TELO2: variants seen among roughly 807,000 people sequenced by gnomAD.
TELO2 encodes the protein telomere maintenance 2.
In TELO2, 71 loss-of-function variants were observed where a neutral mutation model predicts 91.0. The ratio of observed to expected loss-of-function variants is 0.78; its 90% confidence interval spans 0.64 to 0.95. TELO2 has a LOEUF of 0.95. Ranked by LOEUF, TELO2 falls within the 40% of genes least tolerant of loss-of-function variation. The pLI, the probability that TELO2 is intolerant of heterozygous loss-of-function variation, is 0.00. For synonymous variants in TELO2, 584 were observed against 518.9 expected (o/e 1.13, Z -1.71); for missense variants, 1,183 against 1,141.3 (o/e 1.04, Z -0.53).
In TELO2 at chr16:1,506,218, G is replaced by A. The variant is rs180974821; in HGVS notation, c.2035-20G>A. On this transcript the variant is annotated intron_variant, in intron 16 of 20. Transcript: ENST00000262319. Reference sequence around the variant, plus strand: ...TGCCCAAGCCTGCACCTCCGTGATCGCTGTAGTTGTGTCTGGCAGGGTGGC... The same window carrying A: ...TGCCCAAGCCTGCACCTCCGTGATCACTGTAGTTGTGTCTGGCAGGGTGGC... The A allele has an allele frequency of 5.7e-5, 92 of 1,612,606 alleles. No homozygotes were observed. The East Asian group carries it at 6.2e-4, about 11-fold the overall frequency.
chr16:1,507,126 C>T (rs906808989), intron 18 of TELO2, 75 bp downstream of exon 18: 5 of 1,517,268 alleles, frequency 3.3e-6, no homozygotes, highest in South Asian at 1.2e-5. Flanking sequence ...CTCACCTGCG[C>T]CCAGGGATGG....
In TELO2 at chr16:1,494,485, C is replaced by T; in HGVS notation, c.204C>T (p.Ser68=). Residue 68 remains serine, a synonymous_variant, in exon 2 of 21, where the codon AGC becomes AGT. Transcript: ENST00000262319. The surrounding 1 kb of genome is among the most constrained non-coding windows in gnomAD (Gnocchi z 5.6). ...CGCCTGTCCTCAGATGTCTTGCCAG[C>T]AGGCTGAGCCCAGCCTGGCTGGAGC... The part of the protein sequence containing the change: ...HFSPVLRCLA[S]RLSPAWLELL... 2 of 1,613,328 alleles carry T rather than the reference C, an allele frequency of 1.2e-6. No individual in the cohort carries two copies. Among genetic ancestry groups the T allele is most frequent in the Non-Finnish European group, 8.5e-7 (1 of 1,179,960 alleles).
chr16:1,506,956 C>T lies in TELO2; in HGVS notation c.2131C>T (p.Leu711=). ...FPLLQRFDRP[L]VTFDLLGEDQ... ...GGGCTCCATCCTGTGCTCTAGGCCT[C>T]TGGTGACCTTCGACCTCTTGGGAGA... Residue 711 remains leucine, a synonymous_variant, in exon 18 of 21, where the codon CTG becomes TTG. Coordinates refer to ENST00000262319, the MANE Select transcript of TELO2 (RefSeq NM_016111.4). The T allele has an allele frequency of 6.2e-7, 1 of 1,609,356 alleles. No individual in the cohort carries two copies. The highest frequency in any genetic ancestry group is 1.1e-5 in the South Asian group (1 of 90,166).
chr16:1,505,465 C>T lies in TELO2; in HGVS notation c.1898C>T (p.Pro633Leu), dbSNP rs764614683. The T allele has an allele frequency of 8.1e-6, 13 of 1,613,122 alleles. No individual in the cohort carries two copies. In the South Asian group the frequency reaches 1.3e-4, roughly 16 times the overall value. Residue 633 changes from proline (P) to leucine (L), a missense_variant, in exon 16 of 21, where the codon CCC becomes CTC. Pro to Leu is a moderately conservative substitution (Grantham distance 98). Transcript: ENST00000262319. The surrounding 1 kb of genome is among the most constrained non-coding windows in gnomAD (Gnocchi z 4.3). ...LSRPGCLGRT[P>L]QPGSPSPNTP... Reference sequence around the variant, plus strand: ...AGGCCTGGGTGCCTCGGGAGGACTCCCCAACCTGGCTCCCCAAGTCCCAAC... The same window carrying T: ...AGGCCTGGGTGCCTCGGGAGGACTCTCCAACCTGGCTCCCCAAGTCCCAAC...
At chr16:1,500,194 G>A (rs554299520) in intron 7 of TELO2, 30 bp downstream of exon 7, 15 of 1,580,974 alleles carry the variant, frequency 9.5e-6, no homozygotes, top group South Asian at 5.7e-5. Flanking sequence ...CCGTCCCTGC[G>A]AGGCCCTGGG....
chr16:1,506,391 G>A, intron 17 of TELO2, 62 bp downstream of exon 17: 1 of 1,612,106 alleles, frequency 6.2e-7, no homozygotes, highest in Non-Finnish European at 8.5e-7. Context: ...GTACCACTGT[G>A]GCCAAGAAGT....
In TELO2 at chr16:1,505,626, C is replaced by CA. The variant is rs765301792; in HGVS notation, c.2034+26dup. 2 of 1,595,506 alleles carry CA rather than the reference C, an allele frequency of 1.3e-6. No homozygotes were observed. Among genetic ancestry groups the CA allele is most frequent in the Non-Finnish European group, 8.6e-7 (1 of 1,169,492 alleles). On this transcript the variant is annotated intron_variant, in intron 16 of 20. Transcript: ENST00000262319. This position sits in a 1 kb window ranked among gnomAD's most constrained non-coding sequence, Gnocchi z 4.3. ...GGTTAGTGGCGCCTGGTCAGCTCCT[C>CA]ACGGGCATGGGGACCGTGGGTGGGT...
rs1269178389 is a variant in TELO2, at chr16:1,502,354, C to T, written c.1603C>T (p.Leu535=). ...GGACATAGAGCGCTGGGAGGCAGCC[C>T]TGCGGGCCCTTGAGGGCCTGGTCTA... ...SEDIERWEAA[L]RALEGLVYRS... Residue 535 remains leucine, a synonymous_variant, in exon 13 of 21, where the codon CTG becomes TTG. Coordinates refer to ENST00000262319, the MANE Select transcript of TELO2 (RefSeq NM_016111.4). 6.2e-7 allele frequency: 1 copy of T among 1,606,942 alleles called. No individual in the cohort carries two copies. Among genetic ancestry groups the T allele is most frequent in the Non-Finnish European group, 8.5e-7 (1 of 1,178,308 alleles).
At chr16:1,509,691 C>T (rs930805089) in intron 20 of TELO2, 139 bp from the exon 21 acceptor site, 17 of 731,270 alleles carry the variant, frequency 2.3e-5, no homozygotes, top group Admixed American at 7.0e-5. Context: ...GGGGAGAGTC[C>T]GGGGTCACTG....
rs978051642 is a variant in TELO2 at position 1,493,588 on chromosome 16, C to A, written c.-54C>A. On this transcript the variant is annotated 5_prime_UTR_variant, in exon 1 of 21. Transcript: ENST00000262319. The surrounding 1 kb of genome is among the most constrained non-coding windows in gnomAD (Gnocchi z 4.3). The stretch of plus-strand genomic sequence containing the variant: ...GCGGCGCCTGAGCGCGCTGCAGTCA[C>A]CCGGGAGCCGGGTCCAGGTCGGGTT... 2 of 152,338 alleles carry A rather than the reference C, an allele frequency of 1.3e-5. No homozygotes were observed. Among genetic ancestry groups the A allele is most frequent in the Non-Finnish European group, 2.9e-5 (2 of 68,118 alleles). 9.4% of individuals were successfully genotyped at this position (152,338 alleles called of 1,614,324 possible).
intron 18 of TELO2, 32 bp downstream of exon 18, chr16:1,507,083 T>G (rs139797410): frequency 6.4e-7 from 1 of 1,574,134 alleles, no homozygotes; most frequent in Non-Finnish European, 8.6e-7. Context: ...GGCGCCGGCC[T>G]GTGCTAACCA....
chr16:1,505,057 C>T lies in TELO2; in HGVS notation c.1843-353C>T, dbSNP rs947498970. 7 of 230,692 alleles carry T rather than the reference C, an allele frequency of 3.0e-5. No homozygotes were observed. Among genetic ancestry groups the T allele is most frequent in the East Asian group, 9.3e-5 (1 of 10,730 alleles). 14.3% of individuals were successfully genotyped at this position (230,692 alleles called of 1,614,324 possible). A position where few individuals can be genotyped will look rare whatever the true frequency, so the allele number is the denominator to read the frequency against. ...TCTCTGCAATGTTCTGAGGTCCCCC[C>T]GCCCGTGGCACGTGCCGCTGCAGCG... On this transcript the variant is annotated intron_variant, in intron 15 of 20. Coordinates refer to ENST00000262319, the MANE Select transcript of TELO2 (RefSeq NM_016111.4). The surrounding 1 kb of genome is among the most constrained non-coding windows in gnomAD (Gnocchi z 4.3).
At chr16:1,506,777 T>G in intron 17 of TELO2, 175 bp from the exon 18 acceptor site, 2 of 1,412,556 alleles carry the variant, frequency 1.4e-6, no homozygotes, top group Non-Finnish European at 9.2e-7. Context: ...CAGACAGCCC[T>G]GCAGGGGGAG....
rs2040094649 is a variant in TELO2, at chr16:1,510,361, C to G, written c.*425C>G. 1 of 231,724 alleles carries G rather than the reference C, an allele frequency of 4.3e-6. No individual in the cohort carries two copies. Among genetic ancestry groups the G allele is most frequent in the Non-Finnish European group, 8.6e-6 (1 of 116,490 alleles). 14.4% of individuals were successfully genotyped at this position (231,724 alleles called of 1,614,324 possible). On this transcript the variant is annotated 3_prime_UTR_variant, in exon 21 of 21. Coordinates refer to ENST00000262319, the MANE Select transcript of TELO2 (RefSeq NM_016111.4). ...GCCGTGTCACCAGGAGAATAGTGCT[C>G]ACAGCCCAGGCAGGGTGTGTGGCTC...
chr16:1,498,088 C>T (rs1567295522), intron 5 of TELO2, among the ~76,000 whole-genome samples: 1 of 151,502 alleles, frequency 6.6e-6, no homozygotes. Context: ...GCAATCGGCT[C>T]ACTGCAACCT....
At position 1,507,382 on chromosome 16, in the gene TELO2, G is replaced by T. The variant is rs1372906853; in HGVS notation, c.2291+12G>T. 1.2e-6 allele frequency: 2 copies of T among 1,609,674 alleles called. No individual in the cohort carries two copies. The highest frequency in any genetic ancestry group is 1.7e-5 in the Admixed American group (1 of 60,006). On this transcript the variant is annotated intron_variant, in intron 19 of 20. Transcript: ENST00000262319. Reference sequence around the variant, plus strand: ...TTCCACATCGATGCGTGAGTGGCCTGTGGGGCTGGGCCAGGCCAGGGGTGC... The same window carrying T: ...TTCCACATCGATGCGTGAGTGGCCTTTGGGGCTGGGCCAGGCCAGGGGTGC...
At position 1,506,281 on chromosome 16, in the gene TELO2, A is replaced by G. The variant is rs2141066298; in HGVS notation, c.2078A>G (p.Asn693Ser). The G allele has an allele frequency of 1.2e-6, 2 of 1,613,538 alleles. No individual in the cohort carries two copies. Among genetic ancestry groups the G allele is most frequent in the Non-Finnish European group, 1.7e-6 (2 of 1,179,944 alleles). The change falls in exon 17 of 21, where the codon AAC (asparagine) becomes AGC (serine). Residue 693 changes from asparagine (N) to serine (S), a missense_variant. Physicochemically the swap from Asn to Ser is conservative, Grantham distance 46. Transcript: ENST00000262319. ...CCGGCAGGCAGCCCCAGCAGATTCA[A>G]CTCCGTGGCCGGCCACTTCTTCTTC... is the stretch of plus-strand genomic sequence containing the variant. ...QGPAGSPSRF[N>S]SVAGHFFFPL...
intron 9 of TELO2, 128 bp downstream of exon 9, chr16:1,500,827 C>A: frequency 7.1e-7 from 1 of 1,418,398 alleles, no homozygotes; most frequent in South Asian, 1.4e-5. Context: ...GTGGACTTCT[C>A]GCAGGGCTGA....
In TELO2 at chr16:1,500,401, C is replaced by A. The variant is rs2039635399; in HGVS notation, c.1057C>A (p.Pro353Thr). 1 of 1,601,848 alleles carries A rather than the reference C, an allele frequency of 6.2e-7. No individual in the cohort carries two copies. The highest frequency in any genetic ancestry group is 8.5e-7 in the Non-Finnish European group (1 of 1,175,790). ...WGSSSAIRHTPLPQQRHVSKA... is the reference protein window; with the variant it reads ...WGSSSAIRHTTLPQQRHVSKA... ...CAGCAGCAGTGCCATCCGCCACACT[C>A]CCCTGCCGCAGCAGCGCCACGTCAG... Residue 353 changes from proline to threonine, a missense_variant, in exon 8 of 21, where the codon CCC becomes ACC. Transcript: ENST00000262319.
Sources: allele counts gnomAD v4.1 joint callset (sites outside exome capture counted in the v4.1 genomes callset), GRCh38; gene constraint gnomAD v4.1.1; non-coding constraint Gnocchi (gnomAD v3.1); transcripts MANE v1.5; gene names NCBI Gene and HGNC (gene_info 2026-07-23, HGNC 2026-07-21).